The following DCLK1 variants were observed in gnomAD, a reference collection of about 807,000 sequenced individuals.
DCLK1 encodes doublecortin like kinase 1.
In DCLK1, 16 loss-of-function variants were observed where a neutral mutation model predicts 86.2. The observed-to-expected ratio is 0.19, with a 90% CI of 0.13 to 0.28. The LOEUF is 0.28. Among genes scored for constraint, DCLK1 ranks in the 10% least tolerant of loss-of-function variants. The pLI is 1.00. For missense variants in DCLK1, 590 were observed against 940.2 expected, an observed-to-expected ratio of 0.63 and a Z score of 4.87; for synonymous variants, 369 against 370.5, an observed-to-expected ratio of 1.00 and a Z score of 0.05.
chr13:35,928,501 AC>A, intron 4 of DCLK1, among the ~76,000 whole-genome samples: 1 of 151,860 alleles, frequency 6.6e-6, no homozygotes. Context: ...TCCCCACACC[AC>A]CCACTCTCCA....
chr13:36,064,650 T>C (rs1055736106), intron 3 of DCLK1, among the ~76,000 whole-genome samples: 68 of 126,884 alleles, frequency 5.4e-4, no homozygotes, highest in Middle Eastern at 4.0e-3. Flanking sequence ...AGAGTGAGAC[T>C]CCGTCTATTA....
intron 4 of DCLK1, among the ~76,000 whole-genome samples, chr13:35,890,925 T>C (rs888174970): frequency 2.6e-5 from 4 of 151,688 alleles, no homozygotes; most frequent in African/African-American, 9.7e-5. Flanking sequence ...CCAATCAATA[T>C]ATTATGAAAT....
At chr13:36,061,031 C>T (rs573976811) in intron 3 of DCLK1, among the ~76,000 whole-genome samples, 50 of 152,224 alleles carry the variant, frequency 3.3e-4, no homozygotes, top group African/African-American at 1.2e-3. Flanking sequence ...GAACACAATC[C>T]TGGTCTCAGG....
At chr13:35,962,181 A>G (rs1878497380) in intron 3 of DCLK1, among the ~76,000 whole-genome samples, 2 of 152,308 alleles carry the variant, frequency 1.3e-5, no homozygotes, top group South Asian at 4.1e-4. Context: ...CAAAACTTAT[A>G]GGTCAAAGTT....
chr13:36,052,268 T>C (rs539891676), intron 3 of DCLK1, among the ~76,000 whole-genome samples: 3 of 152,296 alleles, frequency 2.0e-5, no homozygotes, highest in East Asian at 1.9e-4. Flanking sequence ...CTTGCTATGA[T>C]AACAGAACTG....
At chr13:35,839,055 C>T in intron 7 of DCLK1, 37 bp downstream of exon 7, 1 of 1,560,146 alleles carries the variant, frequency 6.4e-7, no homozygotes, top group South Asian at 1.2e-5. Flanking sequence ...CCAACCCATC[C>T]TCTGCCTCCT....
chr13:35,878,135 T>C (rs1416664738), intron 4 of DCLK1, among the ~76,000 whole-genome samples: 2 of 152,232 alleles, frequency 1.3e-5, no homozygotes, highest in Non-Finnish European at 2.9e-5. Flanking sequence ...CCTCATGGTT[T>C]TGAATCTCAG....
intron 6 of DCLK1, among the ~76,000 whole-genome samples, chr13:35,842,863 T>A (rs1869903308): frequency 6.6e-6 from 1 of 152,224 alleles, no homozygotes; most frequent in Non-Finnish European, 1.5e-5. Context: ...GTTGAAGCCA[T>A]TTCAGTAATC....
chr13:36,017,738 G>T (rs930117118), intron 3 of DCLK1, among the ~76,000 whole-genome samples: 1 of 152,060 alleles, frequency 6.6e-6, no homozygotes, highest in Non-Finnish European at 1.5e-5. Flanking sequence ...AAAATTTACT[G>T]TTTATCTAGT....
chr13:35,818,712 A>G (rs2087325175), intron 11 of DCLK1, among the ~76,000 whole-genome samples: 1 of 152,130 alleles, frequency 6.6e-6, no homozygotes. Flanking sequence ...AAGAAACACA[A>G]GCTGCTACTG....
At chr13:35,963,058 T>C (rs955882464) in intron 3 of DCLK1, among the ~76,000 whole-genome samples, 8 of 152,204 alleles carry the variant, frequency 5.3e-5, no homozygotes, top group Admixed American at 4.6e-4. Flanking sequence ...AAGTGAATCA[T>C]GGGCAGGACC....
intron 16 of DCLK1, among the ~76,000 whole-genome samples, chr13:35,779,962 T>C (rs762703862): frequency 1.0e-3 from 150 of 150,510 alleles, no homozygotes; most frequent in Non-Finnish European, 1.5e-3. Context: ...TGTAATCCAA[T>C]TGAAAATTTC....
At chr13:36,037,027 T>TCACA (rs748794494) in intron 3 of DCLK1, among the ~76,000 whole-genome samples, 3 of 151,558 alleles carry the variant, frequency 2.0e-5, no homozygotes, top group African/African-American at 4.8e-5. Context: ...GATATATATA[T>TCACA]CACACACACA....
intron 15 of DCLK1, among the ~76,000 whole-genome samples, chr13:35,794,024 G>C (rs1473794817): frequency 1.3e-5 from 2 of 152,206 alleles, no homozygotes; most frequent in Non-Finnish European, 2.9e-5. Context: ...TAAATTTTAA[G>C]TCTTTCTTGC....
chr13:36,024,141 G>A (rs965306527), intron 3 of DCLK1, among the ~76,000 whole-genome samples: 7 of 151,664 alleles, frequency 4.6e-5, no homozygotes, highest in African/African-American at 7.3e-5. Flanking sequence ...TGATCCACCC[G>A]CCTCTGCCTC....
At chr13:35,880,688 C>A (rs1272379048) in intron 4 of DCLK1, among the ~76,000 whole-genome samples, 1 of 152,132 alleles carries the variant, frequency 6.6e-6, no homozygotes, top group Non-Finnish European at 1.5e-5. Context: ...AGAACCCAAC[C>A]TCATTGGCAT....
rs1296877023 is a variant in DCLK1, at chr13:35,773,041, G to A, written c.*1494C>T. 3 of 152,028 alleles carry A rather than the reference G, an allele frequency of 2.0e-5. No individual in the cohort carries two copies. 9.4% of individuals were successfully genotyped at this position (152,028 alleles called of 1,614,324 possible). A position where few individuals can be genotyped will look rare whatever the true frequency, so the allele number is the denominator to read the frequency against. ...GGATCCCAGAGCCCAGCAAACCTTGGGAATACATTTGAGTTGGGCACCTGC... is the reference window on the plus strand; with the variant it reads ...GGATCCCAGAGCCCAGCAAACCTTGAGAATACATTTGAGTTGGGCACCTGC... On this transcript the variant is annotated 3_prime_UTR_variant, in exon 17 of 17. Transcript: ENST00000360631.
chr13:35,993,051 C>G (rs771165611), intron 3 of DCLK1, among the ~76,000 whole-genome samples: 1 of 152,194 alleles, frequency 6.6e-6, no homozygotes, highest in Admixed American at 6.5e-5. Context: ...GTTTCTGCAG[C>G]CTTGCCTGCA....
At chr13:35,952,430 G>A (rs1241815150) in intron 3 of DCLK1, among the ~76,000 whole-genome samples, 1 of 152,204 alleles carries the variant, frequency 6.6e-6, no homozygotes, top group Non-Finnish European at 1.5e-5. Flanking sequence ...TTATACCACT[G>A]ACTTCCATTA....
Sources: gnomAD v4.1 joint callset for allele counts (sites outside exome capture counted in the v4.1 genomes callset) on GRCh38, gnomAD v4.1.1 for gene constraint, MANE v1.5 for transcripts, NCBI Gene and HGNC (gene_info 2026-07-23, HGNC 2026-07-21) for gene names.